Variants in NEDD9 observed in about 807,000 individuals in gnomAD.
NEDD9 encodes enhancer of filamentation 1.
NEDD9 carries 26 observed loss-of-function variants against 76.6 expected under a neutral mutation model. The observed-to-expected ratio is 0.34, with a 90% CI of 0.25 to 0.47. The LOEUF is 0.47. Ranked by LOEUF, NEDD9 falls within the 20% of genes least tolerant of loss-of-function variation. NEDD9 has a pLI of 1.00. For synonymous variants in NEDD9, 392 were observed against 414.2 expected (o/e 0.95, Z 0.65); for missense variants, 937 against 1,058.5 (o/e 0.89, Z 1.59).
Position 11,191,189 on chromosome 6 carries a change from G to A in NEDD9, c.680C>T (p.Pro227Leu), listed in dbSNP as rs1158162974. The change falls in exon 5 of 7, where the codon CCC (proline) becomes CTC (leucine). Residue 227 changes from proline to leucine, a missense_variant. Physicochemically the swap from Pro to Leu is moderately conservative, Grantham distance 98. Coordinates refer to ENST00000379446, the MANE Select transcript of NEDD9 (RefSeq NM_006403.4). Reference sequence around the variant, plus strand: ...CCCTGCTTCATCCCGGCAAGCAGAGGGCGGAATGGCATATACCTGCAAAGC... The same window carrying A: ...CCCTGCTTCATCCCGGCAAGCAGAGAGCGGAATGGCATATACCTGCAAAGC... ...PPTKGVYAIP[P>L]SACRDEAGLR... is the part of the protein sequence containing the mutation. 1 of 1,603,876 alleles carries A rather than the reference G, an allele frequency of 6.2e-7. No individual in the cohort carries two copies.
At position 11,213,562 on chromosome 6, in the gene NEDD9, C is replaced by T. The variant is rs755280210; in HGVS notation, c.178G>A (p.Val60Met). ...GRQGIVPGNR[V>M]KLLIGPMQET... ...TGCATGGGACCAATCAGAAGCTTCA[C>T]CCGGTTGCCTGGGACAATGCCTTGC... Residue 60 changes from valine to methionine, a missense_variant, in exon 2 of 7, where the codon GTG (valine) becomes ATG (methionine). Coordinates refer to ENST00000379446, the MANE Select transcript of NEDD9 (RefSeq NM_006403.4). This position sits in a 1 kb window ranked among gnomAD's most constrained non-coding sequence, Gnocchi z 5.4. 1.9e-6 allele frequency: 3 copies of T among 1,614,172 alleles called. No individual in the cohort carries two copies. Among genetic ancestry groups the T allele is most frequent in the South Asian group, 1.1e-5 (1 of 91,074 alleles).
intron 2 of NEDD9, among the ~76,000 whole-genome samples, chr6:11,316,029 C>G (rs1277154802): frequency 6.6e-6 from 1 of 152,188 alleles, no homozygotes; most frequent in Non-Finnish European, 1.5e-5. Context: ...GATTCTTTCT[C>G]TGGTCTTTGC....
intron 3 of NEDD9, among the ~76,000 whole-genome samples, chr6:11,286,273 A>G (rs564180982): frequency 6.6e-6 from 1 of 152,342 alleles, no homozygotes; most frequent in Non-Finnish European, 1.5e-5. Context: ...GAGAAATGCA[A>G]ATTAAAGCCA....
chr6:11,233,288 A>G (rs377724944), upstream of NEDD9: 241 of 518,966 alleles, frequency 4.6e-4, 1 homozygote, highest in Non-Finnish European at 7.7e-4. Context: ...ATTCTCCCTT[A>G]GTGAAAAGGA....
chr6:11,378,605 A>G (rs1475975486), intron 1 of NEDD9, among the ~76,000 whole-genome samples: 3 of 152,194 alleles, frequency 2.0e-5, no homozygotes, highest in African/African-American at 7.2e-5. Context: ...ATGATTATTT[A>G]GAATATATGG....
intron 2 of NEDD9, among the ~76,000 whole-genome samples, chr6:11,313,988 C>A (rs1436906990): frequency 2.0e-5 from 3 of 152,122 alleles, no homozygotes; most frequent in Admixed American, 6.5e-5. Context: ...AGATTTTTCT[C>A]AAAAATCCTG....
intron 2 of NEDD9, among the ~76,000 whole-genome samples, chr6:11,306,995 T>C (rs1218751344): frequency 6.6e-6 from 1 of 152,200 alleles, no homozygotes; most frequent in Non-Finnish European, 1.5e-5. Context: ...TATATATCCT[T>C]AGAAAAACCC....
chr6:11,222,872 C>A (rs1216018860), intron 1 of NEDD9, among the ~76,000 whole-genome samples: 1 of 152,182 alleles, frequency 6.6e-6, no homozygotes, highest in Non-Finnish European at 1.5e-5. Flanking sequence ...GCAGTCAGTT[C>A]TATGGGGGTA....
At chr6:11,326,581 C>T (rs898262342) in intron 2 of NEDD9, among the ~76,000 whole-genome samples, 12 of 152,218 alleles carry the variant, frequency 7.9e-5, no homozygotes, top group South Asian at 2.1e-4. Flanking sequence ...ACTTTCAGAG[C>T]GGCATGGGTG....
intron 3 of NEDD9, among the ~76,000 whole-genome samples, chr6:11,266,439 G>T (rs528004617): frequency 6.6e-6 from 1 of 152,192 alleles, no homozygotes; most frequent in African/African-American, 2.4e-5. Context: ...GGTGTTAATA[G>T]TGCTGATGCT....
At chr6:11,193,269 C>T (rs996324969) in intron 3 of NEDD9, among the ~76,000 whole-genome samples, 6 of 150,992 alleles carry the variant, frequency 4.0e-5, no homozygotes, top group African/African-American at 1.5e-4. Flanking sequence ...TGAGATAGAG[C>T]CACTGCACTC....
chr6:11,255,534 T>A (rs6457201), intron 3 of NEDD9, among the ~76,000 whole-genome samples: 84,370 of 151,256 alleles, frequency 0.56, 23,913 homozygotes, highest in East Asian at 0.81. Flanking sequence ...GAGGAGAAGA[T>A]CTAAGGTAGC....
intron 2 of NEDD9, among the ~76,000 whole-genome samples, chr6:11,319,257 A>G (rs1761680999): frequency 6.6e-6 from 1 of 152,186 alleles, no homozygotes; most frequent in Non-Finnish European, 1.5e-5. Flanking sequence ...CCTGGCCCCA[A>G]GTTCAGGGCC....
At chr6:11,238,772 T>C (rs1759656210) in intron 3 of NEDD9, among the ~76,000 whole-genome samples, 1 of 152,180 alleles carries the variant, frequency 6.6e-6, no homozygotes, top group South Asian at 2.1e-4. Flanking sequence ...AAATCCAATT[T>C]CCCTTAAGAA....
At chr6:11,368,839 T>C (rs1440865570) in intron 1 of NEDD9, among the ~76,000 whole-genome samples, 1 of 152,194 alleles carries the variant, frequency 6.6e-6, no homozygotes, top group Non-Finnish European at 1.5e-5. Context: ...TTATGAAAAC[T>C]CATTCCCTCT....
At chr6:11,304,045 T>C (rs1761118790) in intron 3 of NEDD9, among the ~76,000 whole-genome samples, 1 of 152,174 alleles carries the variant, frequency 6.6e-6, no homozygotes, top group Non-Finnish European at 1.5e-5. Flanking sequence ...GAGAAAATCT[T>C]TGCAGTCTAC....
chr6:11,258,736 G>C (rs1760054146), intron 3 of NEDD9: 1 of 152,218 alleles, frequency 6.6e-6, no homozygotes, highest in African/African-American at 2.4e-5. Flanking sequence ...AGGACACAAA[G>C]CCATAAACTT....
chr6:11,333,571 A>AG (rs1366800829), intron 2 of NEDD9, among the ~76,000 whole-genome samples: 2 of 152,226 alleles, frequency 1.3e-5, no homozygotes, highest in Non-Finnish European at 2.9e-5. Flanking sequence ...GAAAGCCATC[A>AG]GGCAAGCGGC....
rs1391450462 is a variant in NEDD9 at position 11,190,586 on chromosome 6, A to G, written c.1283T>C (p.Met428Thr). 1.9e-6 allele frequency: 3 copies of G among 1,614,176 alleles called. No homozygotes were observed. The highest frequency in any genetic ancestry group is 1.1e-5 in the South Asian group (1 of 91,088). Residue 428 changes from methionine to threonine, a missense_variant, in exon 5 of 7, where the codon ATG (methionine) becomes ACG (threonine). Met to Thr is a moderately conservative substitution (Grantham distance 81). Transcript: ENST00000379446. This position sits in a 1 kb window ranked among gnomAD's most constrained non-coding sequence, Gnocchi z 5.8. ...CCGCCAGTCGGTAGTGACCAGTGCC[A>G]TTAGGCTGGAGACACCCATCTCAAG... ...QALEMGVSSL[M>T]ALVTTDWRCY... is the part of the protein sequence containing the mutation.
Sources: allele counts gnomAD v4.1 joint callset (sites outside exome capture counted in the v4.1 genomes callset), GRCh38; gene constraint gnomAD v4.1.1; non-coding constraint Gnocchi (gnomAD v3.1); transcripts MANE v1.5; gene names NCBI Gene and HGNC (gene_info 2026-07-23, HGNC 2026-07-21).